Variants in LRRFIP2 observed in about 807,000 individuals in gnomAD.
LRRFIP2 encodes LRR binding FLII interacting protein 2.
A neutral mutation model predicts 125.9 loss-of-function variants in LRRFIP2; 109 were observed. The observed-to-expected ratio is 0.87, with a 90% CI of 0.74 to 1.01. LRRFIP2 has a LOEUF of 1.01. Among genes scored for constraint, LRRFIP2 ranks in the 50% least tolerant of loss-of-function variants. LRRFIP2 has a pLI of 0.00. For missense variants in LRRFIP2, 850 were observed against 862.3 expected (o/e 0.99, Z 0.18); for synonymous variants, 291 against 293.1 (o/e 0.99, Z 0.07).
At chr3:37,150,448 G>A (rs2095990777) in intron 1 of LRRFIP2, among the ~76,000 whole-genome samples, 1 of 152,126 alleles carries the variant, frequency 6.6e-6, no homozygotes, top group South Asian at 2.1e-4. Context: ...GGCAACAAGA[G>A]AGAAACTCCT....
intron 2 of LRRFIP2, among the ~76,000 whole-genome samples, chr3:37,131,012 T>C (rs1577131239): frequency 6.6e-6 from 1 of 152,174 alleles, no homozygotes; most frequent in South Asian, 2.1e-4. Context: ...CAGTGCATGA[T>C]AGTTAAGATG....
intron 2 of LRRFIP2, among the ~76,000 whole-genome samples, chr3:37,138,820 A>G (rs1289251759): frequency 2.0e-5 from 3 of 152,248 alleles, no homozygotes; most frequent in African/African-American, 7.2e-5. Flanking sequence ...CACAGATCTT[A>G]GCAACCTCAG....
At chr3:37,109,825 G>A in intron 9 of LRRFIP2, 122 bp from the exon 10 acceptor site, 1 of 783,068 alleles carries the variant, frequency 1.3e-6, no homozygotes, top group Non-Finnish European at 2.1e-6. Context: ...AGCAATTCCT[G>A]AGTGCTTAAG....
chr3:37,088,186 A>C (rs931779306), intron 18 of LRRFIP2, among the ~76,000 whole-genome samples: 3 of 152,328 alleles, frequency 2.0e-5, no homozygotes, highest in African/African-American at 7.2e-5. Context: ...ATTGTGAGCT[A>C]TCTGAATTCA....
chr3:37,096,151 T>C (rs1344203565), intron 16 of LRRFIP2, among the ~76,000 whole-genome samples: 1 of 152,206 alleles, frequency 6.6e-6, no homozygotes, highest in Admixed American at 6.5e-5. Context: ...TAGCATAAAA[T>C]TAATCTTGAT....
Sources: gnomAD v4.1 joint callset for allele counts (sites outside exome capture counted in the v4.1 genomes callset) on GRCh38, gnomAD v4.1.1 for gene constraint, MANE v1.5 for transcripts, NCBI Gene and HGNC (gene_info 2026-07-23, HGNC 2026-07-21) for gene names.